TLK1: variants seen among roughly 807,000 people sequenced by gnomAD.
The protein encoded by TLK1 is tousled like kinase 1.
A neutral mutation model predicts 105.3 loss-of-function variants in TLK1; 24 were observed. The observed-to-expected ratio is 0.23, with a 90% CI of 0.17 to 0.32. The LOEUF (loss-of-function observed/expected upper bound fraction) is 0.32, where lower values mean the gene tolerates loss of function less well. TLK1 is among the 10% of genes least tolerant of loss of function. The pLI, the probability that TLK1 is intolerant of heterozygous loss-of-function variation, is 1.00. For synonymous variants in TLK1, 321 were observed against 310.4 expected (o/e 1.03, Z -0.36); for missense variants, 558 against 910.5 (o/e 0.61, Z 4.98).
At position 171,052,431 on chromosome 2, in the gene TLK1, AC is replaced by A. The variant is rs531645052; in HGVS notation, c.732+1329del. ...GACATGTACAAAGAATGTTCTTAGA[AC>A]TGTTTATACTAGAAAAAGTAGAAAT... On this transcript the variant is annotated intron_variant, in intron 8 of 20. Transcript: ENST00000431350. 1.9e-4 allele frequency among the ~76,000 whole-genome samples: 29 copies of A among 152,350 alleles called. No homozygotes were observed. In the South Asian group the frequency reaches 5.8e-3, roughly 30 times the overall value.
At chr2:171,129,206 C>T (rs190918477) in intron 1 of TLK1, among the ~76,000 whole-genome samples, 2 of 152,286 alleles carry the variant, frequency 1.3e-5, no homozygotes, top group Admixed American at 6.5e-5. Context: ...TCCCTCATTA[C>T]TAAGTAATAG....
chr2:171,012,074 T>C (rs1021405992), intron 13 of TLK1, among the ~76,000 whole-genome samples: 1 of 149,138 alleles, frequency 6.7e-6, no homozygotes, highest in Non-Finnish European at 1.5e-5. Context: ...TTGGGAGTTG[T>C]TTTTTTTTTT....
chr2:171,110,144 T>C (rs915712916), intron 2 of TLK1, among the ~76,000 whole-genome samples: 4 of 152,208 alleles, frequency 2.6e-5, no homozygotes, highest in African/African-American at 7.2e-5. Flanking sequence ...ATCAAAACAC[T>C]GGAAACAACA....
chr2:171,021,455 T>C (rs1323714609), intron 12 of TLK1, among the ~76,000 whole-genome samples: 4 of 34,380 alleles, frequency 1.2e-4, no homozygotes, highest in Non-Finnish European at 2.6e-4. Flanking sequence ...TTTTTTTTTT[T>C]TTTTTTTTTT....
intron 1 of TLK1, among the ~76,000 whole-genome samples, chr2:171,129,440 CA>C (rs1344653329): frequency 6.6e-6 from 1 of 152,142 alleles, no homozygotes; most frequent in African/African-American, 2.4e-5. Flanking sequence ...CCCTTTACAG[CA>C]GGTAAGTAGA....
At chr2:171,060,844 G>A (rs1369470054) in intron 4 of TLK1, among the ~76,000 whole-genome samples, 3 of 152,000 alleles carry the variant, frequency 2.0e-5, no homozygotes, top group Non-Finnish European at 4.4e-5. Flanking sequence ...AAAATGAAAA[G>A]TCATAAGTTA....
chr2:171,106,651 T>C (rs1022067837), intron 2 of TLK1, among the ~76,000 whole-genome samples: 3 of 152,210 alleles, frequency 2.0e-5, no homozygotes, highest in Non-Finnish European at 2.9e-5. Context: ...TAGAGCACCG[T>C]TGCTACCAGC....
At chr2:171,141,154 C>T (rs955058724) in intron 1 of TLK1, among the ~76,000 whole-genome samples, 1 of 151,978 alleles carries the variant, frequency 6.6e-6, no homozygotes, top group South Asian at 2.1e-4. Flanking sequence ...AACTGGAGTA[C>T]CAGGAGGAAA....
In TLK1 at chr2:171,061,170, G is replaced by T; in HGVS notation, c.331-14C>A. The T allele has an allele frequency of 6.2e-7, 1 of 1,611,496 alleles. No homozygotes were observed. The highest frequency in any genetic ancestry group is 8.5e-7 in the Non-Finnish European group (1 of 1,179,004). ...CTTCTCCGGTGTCTACAGAAAACAA[G>T]ATAACAGATTTTTAAATGACAGTTT... is the stretch of plus-strand genomic sequence containing the variant. On this transcript the variant is annotated splice_polypyrimidine_tract_variant and intron_variant, in intron 3 of 20. Transcript: ENST00000431350.
At chr2:171,071,473 G>A (rs1575573301) in intron 3 of TLK1, among the ~76,000 whole-genome samples, 2 of 152,182 alleles carry the variant, frequency 1.3e-5, no homozygotes, top group Middle Eastern at 3.4e-3. Flanking sequence ...ATTTTTAGTA[G>A]AGACGGGGTT....
Position 171,160,216 on chromosome 2 carries a change from GC to G in TLK1, c.139+73del. The G allele has an allele frequency of 8.0e-7, 1 of 1,246,692 alleles. No homozygotes were observed. Among genetic ancestry groups the G allele is most frequent in the Non-Finnish European group, 1.0e-6 (1 of 984,054 alleles). 77.2% of individuals were successfully genotyped at this position (1,246,692 alleles called of 1,614,324 possible). A position where few individuals can be genotyped will look rare whatever the true frequency, so the allele number is the denominator to read the frequency against. ...GCGGAGAAGCCCCGGGGCGGGGGGG[GC>G]GGGGGGGGGGCGCGGGGGTCCGCGG... On this transcript the variant is annotated intron_variant, in intron 1 of 20. Transcript: ENST00000431350. This position sits in a 1 kb window ranked among gnomAD's most constrained non-coding sequence, Gnocchi z 4.4.
chr2:171,138,282 T>G (rs541239401), intron 1 of TLK1, among the ~76,000 whole-genome samples: 3 of 152,336 alleles, frequency 2.0e-5, no homozygotes, highest in South Asian at 4.1e-4. Context: ...GAGAATTTGC[T>G]AAATACTAAT....
chr2:171,203,034 T>C (rs1221082463), intron 1 of TLK1, among the ~76,000 whole-genome samples: 1 of 152,184 alleles, frequency 6.6e-6, no homozygotes, highest in Non-Finnish European at 1.5e-5. Flanking sequence ...ATTAATATAT[T>C]GTTAAGTATT....
chr2:171,187,056 T>TAAAAA (rs1408615660), intron 1 of TLK1, among the ~76,000 whole-genome samples: 1 of 7,924 alleles, frequency 1.3e-4, no homozygotes, highest in African/African-American at 4.0e-4. Context: ...AGACTCTGTC[T>TAAAAA]CAAAAAAAAA....
At chr2:171,039,115 T>C (rs1575540677) in intron 11 of TLK1, among the ~76,000 whole-genome samples, 1 of 152,332 alleles carries the variant, frequency 6.6e-6, no homozygotes, top group Middle Eastern at 3.4e-3. Flanking sequence ...TCTGATTTAA[T>C]ATAGCTTTCT....
At chr2:171,146,690 C>A (rs1166504617) in intron 1 of TLK1, among the ~76,000 whole-genome samples, 1 of 152,174 alleles carries the variant, frequency 6.6e-6, no homozygotes, top group African/African-American at 2.4e-5. Context: ...AAACAAGATA[C>A]CATTTTAACA....
intron 11 of TLK1, among the ~76,000 whole-genome samples, chr2:171,040,714 C>A (rs949259072): frequency 2.0e-5 from 3 of 151,652 alleles, no homozygotes; most frequent in Non-Finnish European, 4.4e-5. Context: ...GAAGCTGGGA[C>A]TATAGGTACA....
chr2:171,083,729 T>C (rs1688848066), intron 2 of TLK1, among the ~76,000 whole-genome samples: 1 of 152,204 alleles, frequency 6.6e-6, no homozygotes, highest in Admixed American at 6.5e-5. Flanking sequence ...ATTATATAAT[T>C]GAAATTAGAT....
intron 1 of TLK1, among the ~76,000 whole-genome samples, chr2:171,222,376 C>T (rs1038127366): frequency 1.3e-5 from 2 of 151,880 alleles, no homozygotes; most frequent in Admixed American, 6.6e-5. Context: ...GCTCTGTTGC[C>T]GAGGCTGGAG....
Sources: allele counts gnomAD v4.1 joint callset (sites outside exome capture counted in the v4.1 genomes callset), GRCh38; gene constraint gnomAD v4.1.1; non-coding constraint Gnocchi (gnomAD v3.1); transcripts MANE v1.5; gene names NCBI Gene and HGNC (gene_info 2026-07-23, HGNC 2026-07-21).